The following PLXDC1 variants were observed in gnomAD, a reference collection of about 807,000 sequenced individuals.
PLXDC1 encodes plexin domain-containing protein 1.
A neutral mutation model predicts 61.3 loss-of-function variants in PLXDC1; 39 were observed. The ratio of observed to expected loss-of-function variants is 0.64; its 90% CI spans 0.49 to 0.83. The LOEUF (loss-of-function observed/expected upper bound fraction) is 0.83. Among genes scored for constraint, PLXDC1 ranks in the 40% least tolerant of loss-of-function variants. PLXDC1 has a pLI of 0.00. For synonymous variants in PLXDC1, 212 were observed against 254.5 expected (o/e 0.83, Z 1.59); for missense variants, 596 against 666.5 (o/e 0.89, Z 1.17).
At chr17:39,088,983 AAG>A (rs1909851938) in intron 7 of PLXDC1, among the ~76,000 whole-genome samples, 5 of 150,882 alleles carry the variant, frequency 3.3e-5, no homozygotes, top group Non-Finnish European at 4.4e-5. Flanking sequence ...GAGAAAAAGA[AAG>A]AAAGAAAGAA....
At chr17:39,077,177 G>A (rs1307734567) in intron 11 of PLXDC1, among the ~76,000 whole-genome samples, 1 of 152,110 alleles carries the variant, frequency 6.6e-6, no homozygotes, top group Admixed American at 6.5e-5. Flanking sequence ...CGAGATGCAG[G>A]GTATTGAAAA....
chr17:39,140,976 C>T (rs1403060728), intron 1 of PLXDC1, among the ~76,000 whole-genome samples: 3 of 152,114 alleles, frequency 2.0e-5, no homozygotes, highest in African/African-American at 7.2e-5. Flanking sequence ...CTCTTTTCAC[C>T]TTGTAAAACT....
chr17:39,131,595 T>C (rs938478977), intron 2 of PLXDC1, among the ~76,000 whole-genome samples: 4 of 151,952 alleles, frequency 2.6e-5, no homozygotes, highest in Admixed American at 2.6e-4. Context: ...TCAAGTGATA[T>C]GCCCTCCTTG....
intron 2 of PLXDC1, among the ~76,000 whole-genome samples, chr17:39,109,647 T>C (rs1910726560): frequency 6.6e-6 from 1 of 152,180 alleles, no homozygotes; most frequent in South Asian, 2.1e-4. Flanking sequence ...GCTGCCCTCA[T>C]GCTCAGCCCT....
chr17:39,134,392 G>A (rs971004339), intron 2 of PLXDC1, among the ~76,000 whole-genome samples: 4 of 152,008 alleles, frequency 2.6e-5, no homozygotes, highest in Non-Finnish European at 5.9e-5. Context: ...TTGGGAGGCC[G>A]AAGCGGGTGG....
chr17:39,101,941 A>G (rs1434090600), intron 7 of PLXDC1, among the ~76,000 whole-genome samples: 1 of 152,142 alleles, frequency 6.6e-6, no homozygotes, highest in Non-Finnish European at 1.5e-5. Context: ...GGAATGCTGC[A>G]GGCAGGCAGA....
chr17:39,140,790 G>T (rs750924178), intron 1 of PLXDC1, among the ~76,000 whole-genome samples: 4 of 152,144 alleles, frequency 2.6e-5, no homozygotes, highest in Admixed American at 6.5e-5. Context: ...TTCGTTCAGG[G>T]CTTCTCAACC....
intron 2 of PLXDC1, among the ~76,000 whole-genome samples, chr17:39,117,465 C>T (rs543699716): frequency 1.6e-4 from 24 of 152,264 alleles, no homozygotes; most frequent in Non-Finnish European, 2.4e-4. Context: ...TGAACCAGTA[C>T]TCTCAAAAGA....
At chr17:39,135,810 GC>G (rs1360668241) in intron 2 of PLXDC1, among the ~76,000 whole-genome samples, 4 of 152,002 alleles carry the variant, frequency 2.6e-5, no homozygotes, top group African/African-American at 7.3e-5. Flanking sequence ...AAAATCCATT[GC>G]CCCAGTGTTT....
upstream of PLXDC1, among the ~76,000 whole-genome samples, chr17:39,151,825 C>A (rs1225987839): frequency 6.6e-6 from 1 of 152,166 alleles, no homozygotes; most frequent in Non-Finnish European, 1.5e-5. The surrounding 1 kb of genome is among the most constrained non-coding windows in gnomAD (Gnocchi z 5.2). Context: ...AGGGCGGGAG[C>A]CCCTCGGGCT....
chr17:39,080,596 C>A (rs1052442119), intron 9 of PLXDC1: 2 of 152,198 alleles, frequency 1.3e-5, no homozygotes, highest in Non-Finnish European at 2.9e-5. Flanking sequence ...TGTCAGCTGG[C>A]CCTGCCCTCC....
chr17:39,103,324 C>A (rs1248454009), intron 7 of PLXDC1, among the ~76,000 whole-genome samples: 28 of 151,992 alleles, frequency 1.8e-4, no homozygotes, highest in Admixed American at 1.8e-3. Flanking sequence ...TAAGTTGAGC[C>A]CAGGAGTTTG....
intron 9 of PLXDC1, among the ~76,000 whole-genome samples, chr17:39,081,658 A>G (rs1789032127): frequency 6.8e-6 from 1 of 146,246 alleles, no homozygotes; most frequent in Non-Finnish European, 1.5e-5. Context: ...TGATATCTTG[A>G]TAGCCTGGGT....
intron 2 of PLXDC1, among the ~76,000 whole-genome samples, chr17:39,120,407 C>A (rs994478717): frequency 2.6e-5 from 4 of 152,092 alleles, no homozygotes; most frequent in African/African-American, 7.2e-5. Flanking sequence ...AGCCACTGCG[C>A]CTGGCCTGAC....
At chr17:39,147,459 A>G (rs571825) in intron 1 of PLXDC1, among the ~76,000 whole-genome samples, 27,664 of 152,042 alleles carry the variant, frequency 0.18, 3,039 homozygotes, top group African/African-American at 0.31. Context: ...GCAACACACC[A>G]GTTAGGGTCA....
chr17:39,148,306 C>T (rs903002058), intron 1 of PLXDC1, among the ~76,000 whole-genome samples: 3 of 152,132 alleles, frequency 2.0e-5, no homozygotes, highest in African/African-American at 7.2e-5. Flanking sequence ...TGGGCTCAAA[C>T]GATCCTCCTG....
At chr17:39,072,723 C>CT (rs1421621691) in intron 11 of PLXDC1, 1 of 552,630 alleles carries the variant, frequency 1.8e-6, no homozygotes, top group African/African-American at 1.9e-5. Flanking sequence ...GGCCGGCTGC[C>CT]TGGAGAGCAA....
intron 12 of PLXDC1, among the ~76,000 whole-genome samples, chr17:39,070,849 G>T (rs894354773): frequency 1.3e-5 from 2 of 152,138 alleles, no homozygotes; most frequent in Admixed American, 1.3e-4. Context: ...ATGGTGGCAC[G>T]CGCCTGTAGT....
intron 7 of PLXDC1, among the ~76,000 whole-genome samples, chr17:39,098,054 A>AATTAGT (rs1256765695): frequency 1.3e-5 from 2 of 151,544 alleles, no homozygotes; most frequent in Non-Finnish European, 2.9e-5. Flanking sequence ...AAAATACAAA[A>AATTAGT]ATTAGTCAGG....
Sources: allele counts gnomAD v4.1 joint callset (sites outside exome capture counted in the v4.1 genomes callset), GRCh38; gene constraint gnomAD v4.1.1; non-coding constraint Gnocchi (gnomAD v3.1); transcripts MANE v1.5; gene names NCBI Gene and HGNC (gene_info 2026-07-23, HGNC 2026-07-21).